AGAP1: variants seen among roughly 807,000 people sequenced by gnomAD.
AGAP1 encodes the protein ArfGAP with GTPase domain, ankyrin repeat and PH domain 1, also known as arf-GAP with GTPase, ANK repeat and PH domain-containing protein 1.
AGAP1 carries 29 observed loss-of-function variants against 105.3 expected under a neutral mutation model. The ratio of observed to expected loss-of-function variants is 0.28; its 90% CI spans 0.21 to 0.38. The LOEUF is 0.38. Among genes scored for constraint, AGAP1 ranks in the 10% least tolerant of loss-of-function variants. The pLI, the probability that AGAP1 is intolerant of heterozygous loss-of-function variation, is 1.00. For synonymous variants in AGAP1, 509 were observed against 485.9 expected (o/e 1.05, Z -0.63); for missense variants, 998 against 1,165.1 (o/e 0.86, Z 2.09).
intron 16 of AGAP1, among the ~76,000 whole-genome samples, chr2:236,088,384 C>G (rs546332312): frequency 6.6e-6 from 1 of 152,336 alleles, no homozygotes; most frequent in South Asian, 2.1e-4. Context: ...GAGTTTGGGT[C>G]CTGGGTTGTC....
At chr2:235,991,997 A>G (rs2055584617) in intron 13 of AGAP1, among the ~76,000 whole-genome samples, 2 of 152,230 alleles carry the variant, frequency 1.3e-5, no homozygotes, top group Admixed American at 1.3e-4. Flanking sequence ...ACAAATGTCC[A>G]CATTTCTCTC....
chr2:235,853,099 T>C lies in AGAP1; in HGVS notation c.1051-30246T>C, dbSNP rs1166304685. 10 of 1,226,940 alleles carry C rather than the reference T, an allele frequency of 8.2e-6. No homozygotes were observed. The African/African-American group carries it at 1.6e-4, about 19-fold the overall frequency. 76.0% of individuals were successfully genotyped at this position (1,226,940 alleles called of 1,614,324 possible). A position where few individuals can be genotyped will look rare whatever the true frequency, so the allele number is the denominator to read the frequency against. On this transcript the variant is annotated intron_variant, in intron 9 of 17. Coordinates refer to ENST00000304032, the MANE Select transcript of AGAP1 (RefSeq NM_001037131.3). Reference sequence around the variant, plus strand: ...GGAAATCAATGAGCGTTTACGCTCTTTCTTTGAGGAACCTTTTTTTAAAGA... The same window carrying C: ...GGAAATCAATGAGCGTTTACGCTCTCTCTTTGAGGAACCTTTTTTTAAAGA...
intron 1 of AGAP1, among the ~76,000 whole-genome samples, chr2:235,503,337 G>C (rs1267600938): frequency 6.6e-6 from 1 of 152,126 alleles, no homozygotes; most frequent in African/African-American, 2.4e-5. Context: ...TGTTGTTTTC[G>C]AAGGTCTGGG....
Position 235,564,445 on chromosome 2 carries a change from G to A in AGAP1, c.163+69596G>A, listed in dbSNP as rs189021131. On this transcript the variant is annotated intron_variant, in intron 1 of 17. Coordinates refer to ENST00000304032, the MANE Select transcript of AGAP1 (RefSeq NM_001037131.3). The stretch of plus-strand genomic sequence containing the variant: ...GCCAAATAACCGAGACTAGCTCCCT[G>A]CAAATTCCATGGAGCCATCTATACT... Among the ~76,000 whole-genome samples, 179 of 152,308 alleles carry A rather than the reference G, an allele frequency of 1.2e-3. 1 individual carries two copies. The highest frequency in any genetic ancestry group is 2.7e-3 in the South Asian group (13 of 4,824).
chr2:236,117,162 T>C lies in AGAP1; in HGVS notation c.2115-3030T>C, dbSNP rs181604470. ...AATGGCAGTTCTACTTTCAGTTCTT[T>C]AAGGAATCTCCACACTGTTTTCCAT... On this transcript the variant is annotated intron_variant, in intron 16 of 17. Coordinates refer to ENST00000304032, the MANE Select transcript of AGAP1 (RefSeq NM_001037131.3). Among the ~76,000 whole-genome samples the C allele has an allele frequency of 1.8e-3, 280 of 152,304 alleles. 1 individual carries two copies. Among genetic ancestry groups the C allele is most frequent in the Middle Eastern group, 3.4e-3 (1 of 294 alleles).
rs557332385 is a variant in AGAP1 at position 235,667,550 on chromosome 2, C to T, written c.164-41629C>T. ...GCCCTGGGGAGGTGCCCTCTGTCTC[C>T]GAGCCTCTGCATCTCCCTAACCAGA... On this transcript the variant is annotated intron_variant, in intron 1 of 17. Transcript: ENST00000304032. 9.2e-5 allele frequency among the ~76,000 whole-genome samples: 14 copies of T among 152,218 alleles called. No individual in the cohort carries two copies. In the South Asian group the frequency reaches 2.3e-3, roughly 25 times the overall value.
At position 236,044,530 on chromosome 2, in the gene AGAP1, C is replaced by G. The variant is rs1264597998; in HGVS notation, c.1891+3689C>G. 6.6e-6 allele frequency among the ~76,000 whole-genome samples: 1 copy of G among 152,122 alleles called. No homozygotes were observed. The highest frequency in any genetic ancestry group is 1.5e-5 in the Non-Finnish European group (1 of 68,020). On this transcript the variant is annotated intron_variant, in intron 15 of 17. Coordinates refer to ENST00000304032, the MANE Select transcript of AGAP1 (RefSeq NM_001037131.3). This position sits in a 1 kb window ranked among gnomAD's most constrained non-coding sequence, Gnocchi z 5.7. ...GTGGACCTCACAGGTGCCCCTCTCTCCTGGGCCTTTCTCATGTCTAGAATC... is the reference window on the plus strand; with the variant it reads ...GTGGACCTCACAGGTGCCCCTCTCTGCTGGGCCTTTCTCATGTCTAGAATC...
At chr2:235,837,617 A>C (rs542675332) in intron 9 of AGAP1, among the ~76,000 whole-genome samples, 18 of 152,306 alleles carry the variant, frequency 1.2e-4, no homozygotes, top group African/African-American at 3.8e-4. Flanking sequence ...GTGGATTAAT[A>C]AGATGATGGA....
rs142019809 is a variant in AGAP1 at position 235,630,487 on chromosome 2, A to G, written c.164-78692A>G. Reference sequence around the variant, plus strand: ...CGGCCTCCCAAAGTGCTGGGATTACAGGCGTGAGCCACCATGCCCGGCCCC... The same window carrying G: ...CGGCCTCCCAAAGTGCTGGGATTACGGGCGTGAGCCACCATGCCCGGCCCC... On this transcript the variant is annotated intron_variant, in intron 1 of 17. Transcript: ENST00000304032. Among the ~76,000 whole-genome samples, 916 of 152,346 alleles carry G rather than the reference A, an allele frequency of 6.0e-3. 13 individuals carry two copies. The highest frequency in any genetic ancestry group is 0.021 in the African/African-American group (876 of 41,572).
At chr2:235,954,594 G>A (rs2053872054) in intron 12 of AGAP1, among the ~76,000 whole-genome samples, 1 of 150,122 alleles carries the variant, frequency 6.7e-6, no homozygotes, top group Non-Finnish European at 1.5e-5. Context: ...ATAATTGTCT[G>A]GAAAAGCTGG....
Position 236,096,577 on chromosome 2 carries a change from A to T in AGAP1, c.2115-23615A>T, listed in dbSNP as rs187029289. 0.025 allele frequency among the ~76,000 whole-genome samples: 3,773 copies of T among 151,256 alleles called. 90 individuals carry two copies. The highest frequency in any genetic ancestry group is 0.037 in the Non-Finnish European group (2,532 of 67,860). On this transcript the variant is annotated intron_variant, in intron 16 of 17. Transcript: ENST00000304032. The surrounding 1 kb of genome is among the most constrained non-coding windows in gnomAD (Gnocchi z 4.4). ...GACAAATGATGCAGTTTTATTTTTT[A>T]TTTATTTTTTATTTTTTTGGGACAG...
rs1182800227 is a variant in AGAP1, at chr2:235,874,198, A to T, written c.1051-9147A>T. On this transcript the variant is annotated intron_variant, in intron 9 of 17. Transcript: ENST00000304032. The surrounding 1 kb of genome is among the most constrained non-coding windows in gnomAD (Gnocchi z 4.5). Reference sequence around the variant, plus strand: ...CCCAAGTAGCTAGGTCTACAGGCGCACACCACCATGCCCAGCTAATTTTTT... The same window carrying T: ...CCCAAGTAGCTAGGTCTACAGGCGCTCACCACCATGCCCAGCTAATTTTTT... 6.6e-6 allele frequency among the ~76,000 whole-genome samples: 1 copy of T among 151,956 alleles called. No homozygotes were observed. Among genetic ancestry groups the T allele is most frequent in the Non-Finnish European group, 1.5e-5 (1 of 67,984 alleles).
intron 1 of AGAP1, among the ~76,000 whole-genome samples, chr2:235,541,985 A>AT (rs1943457832): frequency 6.6e-6 from 1 of 152,096 alleles, no homozygotes; most frequent in Non-Finnish European, 1.5e-5. Context: ...CGGCTGCATT[A>AT]TTTATTTTTT....
At chr2:235,774,771 C>G (rs1955733131) in intron 6 of AGAP1, among the ~76,000 whole-genome samples, 2 of 152,074 alleles carry the variant, frequency 1.3e-5, no homozygotes, top group Admixed American at 6.5e-5. Context: ...AGATGCAGTC[C>G]TAAAGTAATT....
intron 1 of AGAP1, among the ~76,000 whole-genome samples, chr2:235,676,578 A>G (rs1445911118): frequency 2.6e-5 from 4 of 152,322 alleles, no homozygotes; most frequent in South Asian, 2.1e-4. Flanking sequence ...TCTATAGTTA[A>G]TTGTTAAGAA....
rs900258011 is a variant in AGAP1 at position 235,747,565 on chromosome 2, C to G, written c.538+2726C>G. Among the ~76,000 whole-genome samples the G allele has an allele frequency of 2.0e-5, 3 of 152,190 alleles. No homozygotes were observed. Among genetic ancestry groups the G allele is most frequent in the Non-Finnish European group, 4.4e-5 (3 of 68,036 alleles). On this transcript the variant is annotated intron_variant, in intron 5 of 17. Transcript: ENST00000304032. This position sits in a 1 kb window ranked among gnomAD's most constrained non-coding sequence, Gnocchi z 5.0. ...CCAGATGAACCAGAACGAAAAGTTGCAATCAGGGCTGTATTCCTCACCTGC... is the reference window on the plus strand; with the variant it reads ...CCAGATGAACCAGAACGAAAAGTTGGAATCAGGGCTGTATTCCTCACCTGC...
At chr2:235,604,365 C>A (rs116217733) in intron 1 of AGAP1, among the ~76,000 whole-genome samples, 15 of 151,292 alleles carry the variant, frequency 9.9e-5, no homozygotes, top group Non-Finnish European at 2.1e-4. Flanking sequence ...ACCTGTAGTG[C>A]CAGCTACTCG....
At chr2:235,850,847 T>C (rs1025226811) in intron 9 of AGAP1, among the ~76,000 whole-genome samples, 1 of 152,218 alleles carries the variant, frequency 6.6e-6, no homozygotes, top group Non-Finnish European at 1.5e-5. Flanking sequence ...GTCAAGTGCA[T>C]TCCAGGGAGC....
intron 16 of AGAP1, among the ~76,000 whole-genome samples, chr2:236,077,537 T>C (rs2058672585): frequency 1.3e-5 from 2 of 152,098 alleles, no homozygotes; most frequent in African/African-American, 4.8e-5. Context: ...CAGGCTTGTC[T>C]CAAATTCCTA....
Sources: allele counts gnomAD v4.1 joint callset (sites outside exome capture counted in the v4.1 genomes callset), GRCh38; gene constraint gnomAD v4.1.1; non-coding constraint Gnocchi (gnomAD v3.1); transcripts MANE v1.5; gene names NCBI Gene and HGNC (gene_info 2026-07-23, HGNC 2026-07-21).